SLC10A7: variants seen among roughly 807,000 people sequenced by gnomAD.
SLC10A7 encodes the protein sodium/bile acid cotransporter 7.
A neutral mutation model predicts 43.2 loss-of-function variants in SLC10A7; 29 were observed. That is an observed-to-expected ratio of 0.67 (90% CI 0.50 to 0.92). The LOEUF (loss-of-function observed/expected upper bound fraction) is 0.92. Among genes scored for constraint, SLC10A7 ranks in the 40% least tolerant of loss-of-function variants. The pLI is 0.00. For missense variants in SLC10A7, 295 were observed against 403.2 expected, an observed-to-expected ratio of 0.73 and a Z score of 2.30; for synonymous variants, 152 against 144.8, an observed-to-expected ratio of 1.05 and a Z score of -0.35.
chr4:146,451,928 T>C (rs976642728), intron 4 of SLC10A7, among the ~76,000 whole-genome samples: 26 of 151,956 alleles, frequency 1.7e-4, no homozygotes, highest in Non-Finnish European at 3.1e-4. Flanking sequence ...ACTGGAGAGA[T>C]AGCCACTCTA....
intron 5 of SLC10A7, 75 bp downstream of exon 5, chr4:146,442,708 G>A (rs1007740277): frequency 6.4e-7 from 1 of 1,571,676 alleles, no homozygotes; most frequent in South Asian, 1.2e-5. Flanking sequence ...AACAAATCCA[G>A]CTTTCACTAA....
chr4:146,319,054 A>G (rs183662552), intron 6 of SLC10A7, among the ~76,000 whole-genome samples: 26 of 152,198 alleles, frequency 1.7e-4, no homozygotes, highest in Middle Eastern at 3.4e-3. Context: ...ATCCAGAATC[A>G]TTCTTTAAAA....
intron 5 of SLC10A7, among the ~76,000 whole-genome samples, chr4:146,355,878 G>T (rs968682332): frequency 1.7e-5 from 2 of 120,732 alleles, no homozygotes; most frequent in African/African-American, 6.3e-5. Context: ...ATCACACTCT[G>T]GGGACTGTGG....
rs529604410 is a variant in SLC10A7, at chr4:146,498,128, T to A, written c.396+5721A>T. ...AACTCTTATTACTTTTTTTTTTTTT[T>A]TTATTTTGAGACGGAGTCTCGCTCT... On this transcript the variant is annotated intron_variant, in intron 4 of 11. Transcript: ENST00000335472. 4.6e-5 allele frequency among the ~76,000 whole-genome samples: 7 copies of A among 152,048 alleles called. No homozygotes were observed. The South Asian group carries it at 1.0e-3, about 23-fold the overall frequency.
chr4:146,399,418 T>C (rs1170213689), intron 5 of SLC10A7, among the ~76,000 whole-genome samples: 6 of 152,172 alleles, frequency 3.9e-5, no homozygotes, highest in Non-Finnish European at 7.3e-5. Flanking sequence ...GGGAATACAA[T>C]GTAAACGTTT....
chr4:146,393,943 A>G (rs974595858), intron 5 of SLC10A7, among the ~76,000 whole-genome samples: 1 of 152,214 alleles, frequency 6.6e-6, no homozygotes, highest in African/African-American at 2.4e-5. Context: ...TTCAATTTCA[A>G]AGTACAAACA....
chr4:146,342,687 T>C (rs1055805871), intron 5 of SLC10A7, among the ~76,000 whole-genome samples: 2 of 151,746 alleles, frequency 1.3e-5, no homozygotes, highest in Non-Finnish European at 2.9e-5. Context: ...ATAATACTAC[T>C]TAAACCATAT....
chr4:146,396,015 C>G (rs78530017), intron 5 of SLC10A7, among the ~76,000 whole-genome samples: 1 of 152,052 alleles, frequency 6.6e-6, no homozygotes. Context: ...TCTCATTATA[C>G]GACAATCTAC....
chr4:146,425,495 T>A (rs559857491), intron 5 of SLC10A7, among the ~76,000 whole-genome samples: 4 of 152,292 alleles, frequency 2.6e-5, no homozygotes, highest in Admixed American at 2.0e-4. Flanking sequence ...TTTCATTAAT[T>A]GAATTTTAAA....
intron 5 of SLC10A7, among the ~76,000 whole-genome samples, chr4:146,409,757 C>A (rs934915588): frequency 6.6e-6 from 1 of 152,050 alleles, no homozygotes; most frequent in African/African-American, 2.4e-5. Flanking sequence ...CTATATATTA[C>A]ATAAATTTTT....
intron 4 of SLC10A7, among the ~76,000 whole-genome samples, chr4:146,485,132 C>CTA (rs1171561530): frequency 5.3e-5 from 8 of 152,156 alleles, no homozygotes; most frequent in African/African-American, 7.2e-5. Flanking sequence ...AACCAACTTC[C>CTA]TATTGTGTCT....
intron 5 of SLC10A7, among the ~76,000 whole-genome samples, chr4:146,440,310 G>A (rs1730504244): frequency 6.7e-6 from 1 of 150,208 alleles, no homozygotes; most frequent in Non-Finnish European, 1.5e-5. Flanking sequence ...TTGAGACAGA[G>A]TCTCGCTCTT....
In SLC10A7 at chr4:146,330,079, C is replaced by T. The variant is rs957522301; in HGVS notation, c.436-4083G>A. ...AGAAGTCAAGTCACAAACTGACTGG[C>T]TTTCGTTGTCTCCTGAAAAAACTTT... is the stretch of plus-strand genomic sequence containing the variant. On this transcript the variant is annotated intron_variant, in intron 5 of 11. Coordinates refer to ENST00000335472, the MANE Select transcript of SLC10A7 (RefSeq NM_001029998.6). Among the ~76,000 whole-genome samples the T allele has an allele frequency of 4.6e-5, 7 of 152,280 alleles. No homozygotes were observed. In the East Asian group the frequency reaches 1.2e-3, roughly 25 times the overall value.
chr4:146,286,930 A>G (rs373712884), intron 9 of SLC10A7, among the ~76,000 whole-genome samples: 10 of 143,646 alleles, frequency 7.0e-5, no homozygotes, highest in African/African-American at 2.6e-4. Context: ...AGAGTTGAGA[A>G]AGACTGAACT....
chr4:146,293,684 C>T (rs758194689), intron 8 of SLC10A7, among the ~76,000 whole-genome samples: 1 of 152,114 alleles, frequency 6.6e-6, no homozygotes, highest in Non-Finnish European at 1.5e-5. Flanking sequence ...CTTCTCTCAC[C>T]TGACATCAAC....
At chr4:146,515,103 C>T in intron 2 of SLC10A7, 1 of 702,274 alleles carries the variant, frequency 1.4e-6, no homozygotes, top group South Asian at 1.5e-5. Context: ...TCTTCAACTC[C>T]TGCATCCCAC....
intron 4 of SLC10A7, among the ~76,000 whole-genome samples, chr4:146,445,083 A>G (rs187944050): frequency 3.3e-5 from 5 of 152,244 alleles, no homozygotes; most frequent in East Asian, 1.9e-4. Context: ...GTTTCTATCC[A>G]TCTCATTCCC....
At chr4:146,330,015 T>A (rs952273213) in intron 5 of SLC10A7, among the ~76,000 whole-genome samples, 1 of 152,204 alleles carries the variant, frequency 6.6e-6, no homozygotes, top group Non-Finnish European at 1.5e-5. Flanking sequence ...ATCCTTGCAA[T>A]TGGGATGGTG....
At chr4:146,402,507 C>T (rs779692485) in intron 5 of SLC10A7, among the ~76,000 whole-genome samples, 4 of 152,200 alleles carry the variant, frequency 2.6e-5, no homozygotes, top group South Asian at 2.1e-4. Context: ...CCAACACACC[C>T]GCTTGGTCCT....
Sources: gnomAD v4.1 joint callset for allele counts (sites outside exome capture counted in the v4.1 genomes callset) on GRCh38, gnomAD v4.1.1 for gene constraint, MANE v1.5 for transcripts, NCBI Gene and HGNC (gene_info 2026-07-23, HGNC 2026-07-21) for gene names.